EXTL3: variants seen among roughly 807,000 people sequenced by gnomAD.
EXTL3 encodes the protein exostosin like glycosyltransferase 3.
A neutral mutation model predicts 69.3 loss-of-function variants in EXTL3; 27 were observed. The observed-to-expected ratio is 0.39, with a 90% CI of 0.29 to 0.54. The LOEUF is 0.54. EXTL3 is among the 20% of genes least tolerant of loss of function. EXTL3 has a pLI of 0.69. For synonymous variants in EXTL3, 511 were observed against 499.4 expected, an observed-to-expected ratio of 1.02 and a Z score of -0.31; for missense variants, 1,003 against 1,231.8, an observed-to-expected ratio of 0.81 and a Z score of 2.78.
chr8:28,714,804 C>T (rs2130732180), intron 2 of EXTL3, among the ~76,000 whole-genome samples: 1 of 152,314 alleles, frequency 6.6e-6, no homozygotes, highest in East Asian at 1.9e-4. Flanking sequence ...ATCCACTGCA[C>T]TTTGTATCAC....
At chr8:28,658,645 A>T (rs1056157310) in intron 1 of EXTL3, among the ~76,000 whole-genome samples, 1 of 152,040 alleles carries the variant, frequency 6.6e-6, no homozygotes, top group Non-Finnish European at 1.5e-5. Context: ...CAGTGGCACA[A>T]TCTCAGCTCA....
chr8:28,656,884 T>TCTTTCTTC (rs1807019647), intron 1 of EXTL3, among the ~76,000 whole-genome samples: 1 of 95,992 alleles, frequency 1.0e-5, no homozygotes, highest in Non-Finnish European at 2.8e-5. Flanking sequence ...TTATGGTTGG[T>TCTTTCTTC]CTTTCTTTCT....
At chr8:28,627,997 G>C (rs1337203879) in intron 1 of EXTL3, among the ~76,000 whole-genome samples, 2 of 152,142 alleles carry the variant, frequency 1.3e-5, no homozygotes, top group African/African-American at 2.4e-5. Flanking sequence ...AAAAGTTCTA[G>C]AGAAGGATGA....
chr8:28,620,032 G>A (rs925146738), upstream of EXTL3, among the ~76,000 whole-genome samples: 1 of 151,542 alleles, frequency 6.6e-6, no homozygotes, highest in African/African-American at 2.4e-5. Flanking sequence ...CACCATGCCC[G>A]GCTAATTTTT....
chr8:28,627,082 T>G (rs949683590), intron 1 of EXTL3, among the ~76,000 whole-genome samples: 40 of 151,380 alleles, frequency 2.6e-4, no homozygotes, highest in African/African-American at 9.5e-4. Flanking sequence ...CTCAGGAGGC[T>G]GAGGCAGGAG....
At chr8:28,620,108 A>ATCTGATCTCTTGACCTC (rs56185931), upstream of EXTL3, among the ~76,000 whole-genome samples, 31,839 of 151,098 alleles carry the variant, frequency 0.21, 3,989 homozygotes, top group Non-Finnish European at 0.28. Flanking sequence ...CTCTTGACCT[A>ATCTGATCTCTTGACCTC]GTGATCTGCC....
chr8:28,687,805 A>C (rs1807601771), intron 1 of EXTL3, among the ~76,000 whole-genome samples: 1 of 152,218 alleles, frequency 6.6e-6, no homozygotes. Context: ...CAAAGCAAAG[A>C]CTGGACCATT....
At chr8:28,705,768 A>T (rs915153714) in intron 1 of EXTL3, among the ~76,000 whole-genome samples, 1 of 152,226 alleles carries the variant, frequency 6.6e-6, no homozygotes, top group Non-Finnish European at 1.5e-5. Context: ...TGTTCTGAGA[A>T]TAAGTTAGCA....
intron 1 of EXTL3, among the ~76,000 whole-genome samples, chr8:28,649,063 T>TTTTTTG (rs1017301700): frequency 7.9e-5 from 12 of 152,138 alleles, no homozygotes; most frequent in African/African-American, 2.9e-4. Flanking sequence ...CAGCTAAGGT[T>TTTTTTG]TTTTTGTTTT....
intron 1 of EXTL3, among the ~76,000 whole-genome samples, chr8:28,645,655 G>A (rs1202236193): frequency 6.6e-6 from 1 of 151,780 alleles, no homozygotes; most frequent in Non-Finnish European, 1.5e-5. Flanking sequence ...ACCACTTGTA[G>A]TCTTACCATA....
chr8:28,672,071 A>G (rs548810545), intron 1 of EXTL3, among the ~76,000 whole-genome samples: 5 of 152,078 alleles, frequency 3.3e-5, no homozygotes, highest in African/African-American at 1.2e-4. Flanking sequence ...CAAAGAGGAG[A>G]TGGAGGTTGC....
intron 1 of EXTL3, among the ~76,000 whole-genome samples, chr8:28,676,372 A>G (rs1264357306): frequency 6.6e-6 from 1 of 152,196 alleles, no homozygotes; most frequent in African/African-American, 2.4e-5. Context: ...ACTGGGAAGC[A>G]TAAAGGCAGT....
At chr8:28,729,590 C>T (rs1329536623) in intron 3 of EXTL3, among the ~76,000 whole-genome samples, 1 of 82,670 alleles carries the variant, frequency 1.2e-5, no homozygotes, top group Non-Finnish European at 2.1e-5. Flanking sequence ...AGTGAGACTC[C>T]ATCTCAAAAA....
chr8:28,628,917 C>T (rs980898422), intron 1 of EXTL3, among the ~76,000 whole-genome samples: 1 of 152,114 alleles, frequency 6.6e-6, no homozygotes, highest in Non-Finnish European at 1.5e-5. Flanking sequence ...GGAAATGCAA[C>T]CAGGAAGATT....
intron 6 of EXTL3, among the ~76,000 whole-genome samples, chr8:28,745,228 G>T (rs1801864676): frequency 6.6e-6 from 1 of 152,192 alleles, no homozygotes. Context: ...GCTAAGCAGG[G>T]TGGCCACCAG....
At chr8:28,628,955 C>T (rs959103470) in intron 1 of EXTL3, among the ~76,000 whole-genome samples, 1 of 152,120 alleles carries the variant, frequency 6.6e-6, no homozygotes, top group Admixed American at 6.5e-5. Flanking sequence ...GATTCCAGCC[C>T]AAGGAAAGAA....
intron 3 of EXTL3, among the ~76,000 whole-genome samples, chr8:28,725,708 A>G (rs533640652): frequency 2.0e-4 from 30 of 152,320 alleles, no homozygotes; most frequent in African/African-American, 6.7e-4. Context: ...TCCTGTTTGC[A>G]AGTTACTAAG....
chr8:28,642,192 C>G (rs1806755364), intron 1 of EXTL3, among the ~76,000 whole-genome samples: 1 of 151,910 alleles, frequency 6.6e-6, no homozygotes, highest in Non-Finnish European at 1.5e-5. Context: ...CCTGTAAATT[C>G]TAACACTTTG....
At chr8:28,692,238 C>T (rs1195147371) in intron 1 of EXTL3, among the ~76,000 whole-genome samples, 1 of 152,078 alleles carries the variant, frequency 6.6e-6, no homozygotes, top group East Asian at 1.9e-4. Context: ...TTTTTGCCCT[C>T]CAAATTGATG....
Sources: allele counts gnomAD v4.1 joint callset (sites outside exome capture counted in the v4.1 genomes callset), GRCh38; gene constraint gnomAD v4.1.1; transcripts MANE v1.5; gene names NCBI Gene and HGNC (gene_info 2026-07-23, HGNC 2026-07-21).